The following USP47 variants were observed in gnomAD, a reference collection of about 807,000 sequenced individuals.
USP47 encodes ubiquitin carboxyl-terminal hydrolase 47.
In USP47, 35 loss-of-function variants were observed where a neutral mutation model predicts 165.1. The ratio of observed to expected loss-of-function variants is 0.21; its 90% CI spans 0.16 to 0.28. The LOEUF (loss-of-function observed/expected upper bound fraction) is 0.28. Ranked by LOEUF, USP47 falls within the 10% of genes least tolerant of loss-of-function variation. The probability of loss-of-function intolerance (pLI) is 1.00; values close to 1 mark genes in which losing one functional copy is unlikely to be tolerated. For missense variants in USP47, 1,277 were observed against 1,607.4 expected, an observed-to-expected ratio of 0.79 and a Z score of 3.52; for synonymous variants, 531 against 544.5, an observed-to-expected ratio of 0.98 and a Z score of 0.35.
At chr11:11,938,163 T>C in intron 17 of USP47, 94 bp from the exon 18 acceptor site, 4 of 1,038,720 alleles carry the variant, frequency 3.9e-6, no homozygotes, top group Non-Finnish European at 5.7e-6. Context: ...TTTGGATTTG[T>C]CACCTGTTAG....
intron 2 of USP47, 127 bp downstream of exon 2, chr11:11,880,507 C>A (rs1418340093): frequency 9.8e-6 from 6 of 614,320 alleles, no homozygotes; most frequent in Non-Finnish European, 1.4e-5. Flanking sequence ...CAGTAAGAGC[C>A]TATGTGCAGC....
At chr11:11,893,368 A>G (rs1851662599) in intron 4 of USP47, among the ~76,000 whole-genome samples, 1 of 152,200 alleles carries the variant, frequency 6.6e-6, no homozygotes, top group Non-Finnish European at 1.5e-5. Context: ...GTGATTTTAA[A>G]TATTACATTA....
At chr11:11,863,017 G>A (rs1849473924) in intron 1 of USP47, among the ~76,000 whole-genome samples, 2 of 152,266 alleles carry the variant, frequency 1.3e-5, no homozygotes, top group Middle Eastern at 3.4e-3. Flanking sequence ...GCCATTTAGG[G>A]GAAATTGCAG....
chr11:11,934,466 G>A (rs768561994), intron 16 of USP47, among the ~76,000 whole-genome samples: 4 of 152,094 alleles, frequency 2.6e-5, no homozygotes, highest in Non-Finnish European at 5.9e-5. Flanking sequence ...GGGAGACAGC[G>A]ATGCAAAAAG....
rs377435562 is a variant in USP47 at position 11,849,065 on chromosome 11, T to C, written c.39+6841T>C. ...CAATATTGTCATACTGCAAGTCGTT[T>C]GGATACATCCGCATTTCATAGAGAT... On this transcript the variant is annotated intron_variant, in intron 1 of 27. Transcript: ENST00000527733. Among the ~76,000 whole-genome samples, 6 of 152,256 alleles carry C rather than the reference T, an allele frequency of 3.9e-5. No homozygotes were observed. The East Asian group carries it at 1.2e-3, about 29-fold the overall frequency.
In USP47 at chr11:11,850,845, AAAAGCCTGC is replaced by A. The variant is rs1848685730; in HGVS notation, c.39+8622_39+8630del. On this transcript the variant is annotated intron_variant, in intron 1 of 27. Transcript: ENST00000527733. ...GGTGCCGGCAGATTTGGTGTCTGGT[AAAAGCCTGC>A]TTTCTGGTTCACAGAGCAGCACCGT... is the stretch of plus-strand genomic sequence containing the variant. 2.6e-5 allele frequency among the ~76,000 whole-genome samples: 4 copies of A among 152,336 alleles called. No individual in the cohort carries two copies. In the South Asian group the frequency reaches 6.2e-4, roughly 24 times the overall value.
Position 11,956,088 on chromosome 11 carries a change from A to C in USP47, c.3981A>C (p.Gly1327=). The C allele has an allele frequency of 6.2e-7, 1 of 1,611,928 alleles. No individual in the cohort carries two copies. The change falls in exon 28 of 28, where the codon GGA becomes GGC. Residue 1327 remains glycine (G), a synonymous_variant. Transcript: ENST00000527733. ...AAAGCAGTCGACTCCAGAAGACTGG[A>C]CATCGTGTAACATACTCACCTCGTA... The part of the protein sequence containing the change: ...KKESSRLQKT[G]HRVTYSPRKE...
intron 3 of USP47, among the ~76,000 whole-genome samples, chr11:11,886,504 A>C (rs1851173051): frequency 6.6e-6 from 1 of 152,202 alleles, no homozygotes; most frequent in African/African-American, 2.4e-5. Flanking sequence ...GAGCTTGAAG[A>C]CTGTCTTTCT....
At chr11:11,860,681 A>T (rs1036758456) in intron 1 of USP47, among the ~76,000 whole-genome samples, 6 of 152,340 alleles carry the variant, frequency 3.9e-5, no homozygotes, top group African/African-American at 1.4e-4. Flanking sequence ...CTGCTTGTCA[A>T]CAACAGCCTA....
In USP47 at chr11:11,955,132, T is replaced by C; in HGVS notation, c.3861T>C (p.Tyr1287=). Residue 1287 remains tyrosine, a synonymous_variant, in exon 27 of 28, where the codon TAT becomes TAC. Transcript: ENST00000527733. ...KVSTLNVWPL[Y]ICDDGAVIFY... ...CTACCCTGAATGTCTGGCCTCTTTA[T>C]ATCTGTGATGATGGTGCGGTCATAT... The C allele has an allele frequency of 6.2e-7, 1 of 1,613,890 alleles. No homozygotes were observed. The highest frequency in any genetic ancestry group is 8.5e-7 in the Non-Finnish European group (1 of 1,179,904).
intron 3 of USP47, 110 bp from the exon 4 acceptor site, chr11:11,891,858 C>A: frequency 7.4e-7 from 1 of 1,353,482 alleles, no homozygotes; most frequent in Non-Finnish European, 9.9e-7. Context: ...AGCACCTTTC[C>A]AGAGTGTTTT....
intron 8 of USP47, among the ~76,000 whole-genome samples, chr11:11,916,985 A>G (rs1400194044): frequency 2.8e-5 from 4 of 145,312 alleles, no homozygotes; most frequent in Non-Finnish European, 5.9e-5. Flanking sequence ...CCATGTCTCT[A>G]CAAAAAAATA....
rs189922159 is a variant in USP47, at chr11:11,880,013, T to C, written c.40-164T>C. Among the ~76,000 whole-genome samples, 5 of 152,186 alleles carry C rather than the reference T, an allele frequency of 3.3e-5. No individual in the cohort carries two copies. The East Asian group carries it at 9.6e-4, about 29-fold the overall frequency. ...GGTGCTTATATGTTTGACATATCCA[T>C]TAGAATGCGTTTCAGACTACGATAA... is the stretch of plus-strand genomic sequence containing the variant. On this transcript the variant is annotated intron_variant, in intron 1 of 27. Transcript: ENST00000527733.
At chr11:11,949,320 T>TCTGTTATAACATGTTATAGCATC (rs560326704) in intron 22 of USP47, among the ~76,000 whole-genome samples, 2 of 152,162 alleles carry the variant, frequency 1.3e-5, no homozygotes, top group East Asian at 1.9e-4. Flanking sequence ...GTTATAACAT[T>TCTGTTATAACATGTTATAGCATC]CTGTTATAAC....
chr11:11,894,457 A>T (rs1851728504), intron 4 of USP47, among the ~76,000 whole-genome samples: 2 of 152,150 alleles, frequency 1.3e-5, no homozygotes, highest in African/African-American at 4.8e-5. Context: ...CATCTCAAAA[A>T]ACAAAAAAGA....
intron 8 of USP47, among the ~76,000 whole-genome samples, chr11:11,913,362 A>G (rs1345059240): frequency 6.6e-6 from 1 of 151,866 alleles, no homozygotes; most frequent in East Asian, 1.9e-4. Context: ...GATACTAACA[A>G]TGAACATGTA....
chr11:11,917,532 AGG>A (rs1853514975), intron 8 of USP47, among the ~76,000 whole-genome samples: 1 of 151,018 alleles, frequency 6.6e-6, no homozygotes, highest in Non-Finnish European at 1.5e-5. Context: ...ACTTTTTAGA[AGG>A]GGGAGAGAAA....
At chr11:11,867,511 T>G (rs889724117) in intron 1 of USP47, among the ~76,000 whole-genome samples, 3 of 152,194 alleles carry the variant, frequency 2.0e-5, no homozygotes, top group Non-Finnish European at 4.4e-5. Context: ...AAATTTTGTG[T>G]TTTTAATTTC....
At chr11:11,935,261 C>G (rs1323848828) in intron 16 of USP47, among the ~76,000 whole-genome samples, 1 of 151,990 alleles carries the variant, frequency 6.6e-6, no homozygotes, top group Non-Finnish European at 1.5e-5. Flanking sequence ...AAAAACCATT[C>G]TGGTTTTGCT....
Sources: gnomAD v4.1 joint callset for allele counts (sites outside exome capture counted in the v4.1 genomes callset) on GRCh38, gnomAD v4.1.1 for gene constraint, MANE v1.5 for transcripts, NCBI Gene and HGNC (gene_info 2026-07-23, HGNC 2026-07-21) for gene names.